SPEN: variants seen among roughly 807,000 people sequenced by gnomAD.
SPEN encodes spen family transcriptional repressor, also known as msx2-interacting protein.
In SPEN, 18 loss-of-function variants were observed where a neutral mutation model predicts 269.9. The ratio of observed to expected loss-of-function variants is 0.07; its 90% CI spans 0.05 to 0.10. The LOEUF (loss-of-function observed/expected upper bound fraction) is 0.10. Ranked by LOEUF, SPEN falls within the 10% of genes least tolerant of loss-of-function variation. The pLI is 1.00. For missense variants in SPEN, 3,822 were observed against 4,631.2 expected (o/e 0.83, Z 5.07); for synonymous variants, 1,726 against 1,765.7 (o/e 0.98, Z 0.56).
At chr1:15,906,320 C>G (rs1167323247) in intron 3 of SPEN, among the ~76,000 whole-genome samples, 4 of 152,156 alleles carry the variant, frequency 2.6e-5, no homozygotes, top group East Asian at 1.9e-4. Flanking sequence ...CTAGCAATGA[C>G]AGCTTATGAT....
At position 15,848,264 on chromosome 1, in the gene SPEN, C is replaced by G. The variant is rs1443057186; in HGVS notation, c.83+114C>G. Reference sequence around the variant, plus strand: ...CTGGTGAGGAGGACTCCGGCCCGGACCCACGGGCGCTGTGGGACCTCGTCA... The same window carrying G: ...CTGGTGAGGAGGACTCCGGCCCGGAGCCACGGGCGCTGTGGGACCTCGTCA... On this transcript the variant is annotated intron_variant, in intron 1 of 14. Transcript: ENST00000375759. The surrounding 1 kb of genome is among the most constrained non-coding windows in gnomAD (Gnocchi z 5.1). The G allele has an allele frequency of 2.3e-5, 14 of 611,536 alleles. No individual in the cohort carries two copies. The highest frequency in any genetic ancestry group is 3.4e-5 in the Non-Finnish European group (14 of 412,524). The allele number at this position is 611,536 out of a possible 1,614,324, so 37.9% of individuals were successfully genotyped here. A position where few individuals can be genotyped will look rare whatever the true frequency, so the allele number is the denominator to read the frequency against.
Position 15,931,174 on chromosome 1 carries a change from T to C in SPEN, c.4934T>C (p.Val1645Ala). 16 of 1,614,176 alleles carry C rather than the reference T, an allele frequency of 9.9e-6. No individual in the cohort carries two copies. Among genetic ancestry groups the C allele is most frequent in the Non-Finnish European group, 1.4e-5 (16 of 1,180,024 alleles). ...PSVGPPSVTV[V>A]TLESAPSALE... ...GTTGGGCCTCCAAGTGTCACAGTCG[T>C]AACTCTAGAATCAGCCCCATCAGCA... Residue 1645 changes from valine (V) to alanine (A), a missense_variant, in exon 11 of 15, where the codon GTA (valine) becomes GCA (alanine). This residue lies in a region of SPEN where 533 missense variants were observed against 618.8 expected (regional missense o/e 0.86). Transcript: ENST00000375759. The surrounding 1 kb of genome is among the most constrained non-coding windows in gnomAD (Gnocchi z 4.8).
intron 3 of SPEN, among the ~76,000 whole-genome samples, chr1:15,878,470 A>G (rs1047522316): frequency 2.6e-5 from 4 of 152,358 alleles, no homozygotes; most frequent in Admixed American, 2.6e-4. Flanking sequence ...GTTACGTTCT[A>G]TGCCCAGCTT....
At chr1:15,864,400 C>T (rs2070477317) in intron 1 of SPEN, among the ~76,000 whole-genome samples, 1 of 151,250 alleles carries the variant, frequency 6.6e-6, no homozygotes, top group Non-Finnish European at 1.5e-5. Flanking sequence ...AAACTCCTGA[C>T]CTCAAGTGAT....
In SPEN at chr1:15,932,256, G is replaced by A. The variant is rs548325712; in HGVS notation, c.6016G>A (p.Val2006Met). 1.6e-5 allele frequency: 26 copies of A among 1,611,282 alleles called. 1 individual carries two copies. The South Asian group carries it at 2.2e-4, about 14-fold the overall frequency. ...QGKKGKNEPKVDATRPEATTE... is the reference protein window; with the variant it reads ...QGKKGKNEPKMDATRPEATTE... Reference sequence around the variant, plus strand: ...GAAAAAGGGAAAAAATGAACCGAAGGTGGATGCTACACGTCCTGAGGCCAC... The same window carrying A: ...GAAAAAGGGAAAAAATGAACCGAAGATGGATGCTACACGTCCTGAGGCCAC... Residue 2006 changes from valine to methionine, a missense_variant, in exon 11 of 15, where the codon GTG becomes ATG. Val to Met is a conservative substitution (Grantham distance 21). Coordinates refer to ENST00000375759, the MANE Select transcript of SPEN (RefSeq NM_015001.3). The surrounding 1 kb of genome is among the most constrained non-coding windows in gnomAD (Gnocchi z 4.2).
chr1:15,873,073 C>A lies in SPEN; in HGVS notation c.341C>A (p.Pro114His), dbSNP rs1421588748. 1.9e-6 allele frequency: 3 copies of A among 1,613,978 alleles called. No homozygotes were observed. The African/African-American group carries it at 4.0e-5, about 22-fold the overall frequency. ...VSGFRGGGGG[P>H]AYGPPPSLHA... ...GGGTTCAGAGGAGGTGGTGGAGGGC[C>A]TGCTTATGGTCCCCCACCGTCACTT... is the stretch of plus-strand genomic sequence containing the variant. The change falls in exon 2 of 15, where the codon CCT becomes CAT. Residue 114 changes from proline (P) to histidine (H), a missense_variant. Pro to His is a moderately conservative substitution (Grantham distance 77). This residue lies in a region of SPEN where 327 missense variants were observed against 350.8 expected (regional missense o/e 0.93). Coordinates refer to ENST00000375759, the MANE Select transcript of SPEN (RefSeq NM_015001.3).
intron 6 of SPEN, among the ~76,000 whole-genome samples, chr1:15,916,733 T>C (rs1452036711): frequency 2.6e-5 from 4 of 152,092 alleles, no homozygotes; most frequent in Admixed American, 6.6e-5. Context: ...GGCTGGCTCT[T>C]ACCCATTTTT....
intron 3 of SPEN, among the ~76,000 whole-genome samples, chr1:15,877,418 G>A (rs547774400): frequency 1.2e-4 from 19 of 152,118 alleles, no homozygotes; most frequent in African/African-American, 1.9e-4. Context: ...ACAAACGTGC[G>A]CAACCACGCC....
At chr1:15,873,194 A>T in intron 2 of SPEN, 58 bp downstream of exon 2, 3 of 1,509,980 alleles carry the variant, frequency 2.0e-6, no homozygotes, top group Non-Finnish European at 1.8e-6. Context: ...GAGAAACAGA[A>T]ACTCATATTT....
chr1:15,911,235 T>A lies in SPEN; in HGVS notation c.1177T>A (p.Leu393Met). 6.2e-7 allele frequency: 1 copy of A among 1,614,150 alleles called. No homozygotes were observed. ...GCAGCAAGAGGACCAAGAAAAAGCC[T>A]TGACTGCATCAAAAGGAAAACTTTT... ...FRQQEDQEKA[L>M]TASKGKLFFG... The change falls in exon 5 of 15, where the codon TTG (leucine) becomes ATG (methionine). Residue 393 changes from leucine (L) to methionine (M), a missense_variant. Physicochemically the swap from Leu to Met is conservative, Grantham distance 15. Coordinates refer to ENST00000375759, the MANE Select transcript of SPEN (RefSeq NM_015001.3).
chr1:15,867,108 C>G (rs528107781), intron 1 of SPEN, among the ~76,000 whole-genome samples: 1 of 152,136 alleles, frequency 6.6e-6, no homozygotes, highest in Non-Finnish European at 1.5e-5. Context: ...TTCATCACCC[C>G]AGAATGAAAC....
Position 15,937,462 on chromosome 1 carries a change from C to T in SPEN, c.10326C>T (p.Asp3442=), listed in dbSNP as rs1361426125. The change falls in exon 12 of 15, where the codon GAC becomes GAT. Residue 3442 remains aspartate (D), a synonymous_variant. Transcript: ENST00000375759. This position sits in a 1 kb window ranked among gnomAD's most constrained non-coding sequence, Gnocchi z 5.7. ...PSPVSVSMKP[D]LPVSLPTQTA... ...CTGTGTCTGTCTCCATGAAGCCTGA[C>T]CTTCCAGTCTCTCTTCCCACTCAGA... 6.2e-7 allele frequency: 1 copy of T among 1,613,970 alleles called. No individual in the cohort carries two copies. Among genetic ancestry groups the T allele is most frequent in the Non-Finnish European group, 8.5e-7 (1 of 1,180,018 alleles).
chr1:15,882,354 C>T (rs2070694878), intron 3 of SPEN, among the ~76,000 whole-genome samples: 2 of 152,102 alleles, frequency 1.3e-5, no homozygotes. Flanking sequence ...CCCGCCCCCC[C>T]AATCAAGTTG....
At chr1:15,916,347 A>G (rs1434312754) in intron 6 of SPEN, 68 bp downstream of exon 6, 1 of 1,473,120 alleles carries the variant, frequency 6.8e-7, no homozygotes, top group Non-Finnish European at 9.2e-7. Flanking sequence ...AGTACAGATT[A>G]TATTTGGAAA....
chr1:15,881,930 G>C (rs2070690309), intron 3 of SPEN, among the ~76,000 whole-genome samples: 1 of 152,132 alleles, frequency 6.6e-6, no homozygotes, highest in African/African-American at 2.4e-5. Flanking sequence ...ATATAGCTTG[G>C]TTTTACCTAT....
chr1:15,895,150 G>A (rs1211712739), intron 3 of SPEN, among the ~76,000 whole-genome samples: 1 of 152,040 alleles, frequency 6.6e-6, no homozygotes, highest in Admixed American at 6.5e-5. Flanking sequence ...TCGAGCTCCC[G>A]ACCTCAGGTG....
chr1:15,866,404 A>C (rs912457309), intron 1 of SPEN, among the ~76,000 whole-genome samples: 3 of 152,220 alleles, frequency 2.0e-5, no homozygotes, highest in Non-Finnish European at 4.4e-5. Context: ...CCCAGGCTGG[A>C]GTGCAGTGGT....
intron 3 of SPEN, among the ~76,000 whole-genome samples, chr1:15,901,039 T>C: frequency 6.6e-6 from 1 of 152,150 alleles, no homozygotes; most frequent in East Asian, 1.9e-4. Context: ...TCCTTGTTAT[T>C]TTTTGGAGTA....
chr1:15,938,853 G>C lies in SPEN; in HGVS notation c.10840G>C (p.Val3614Leu). ...QAKQAAGIINVPNPGSNQPAY... is the reference protein window; with the variant it reads ...QAKQAAGIINLPNPGSNQPAY... The stretch of plus-strand genomic sequence containing the variant: ...CAAGCAGGCGGCAGGGATCATCAAC[G>C]TTCCCAACCCTGGCTCCAATCAGGT... Residue 3614 changes from valine (V) to leucine (L), a missense_variant, in exon 14 of 15, where the codon GTT (valine) becomes CTT (leucine). Around this residue, in one of 16 missense-constraint regions of SPEN, gnomAD observed 103 missense variants for 215.8 expected, o/e 0.48. Coordinates refer to ENST00000375759, the MANE Select transcript of SPEN (RefSeq NM_015001.3). 14 of 1,613,936 alleles carry C rather than the reference G, an allele frequency of 8.7e-6. No homozygotes were observed. The highest frequency in any genetic ancestry group is 1.2e-5 in the Non-Finnish European group (14 of 1,179,984).
Sources: gnomAD v4.1 joint callset for allele counts (sites outside exome capture counted in the v4.1 genomes callset) on GRCh38, gnomAD v4.1.1 for gene constraint, gnomAD v4.1.1 regional missense constraint, Gnocchi (gnomAD v3.1) non-coding constraint, MANE v1.5 for transcripts, NCBI Gene and HGNC (gene_info 2026-07-23, HGNC 2026-07-21) for gene names.